The following QKI variants were observed in gnomAD, a reference collection of about 807,000 sequenced individuals.
The protein encoded by QKI is QKI, KH domain containing RNA binding.
In QKI, 10 loss-of-function variants were observed where a neutral mutation model predicts 39.0. The ratio of observed to expected loss-of-function variants is 0.26; its 90% confidence interval spans 0.16 to 0.43. QKI has a LOEUF of 0.43. QKI is among the 20% of genes least tolerant of loss of function. The pLI is 1.00. For missense variants in QKI, 218 were observed against 428.0 expected, an observed-to-expected ratio of 0.51 and a Z score of 4.33; for synonymous variants, 204 against 155.4, an observed-to-expected ratio of 1.31 and a Z score of -2.33.
intron 1 of QKI, among the ~76,000 whole-genome samples, chr6:163,445,202 G>C (rs371711130): frequency 3.9e-5 from 6 of 152,050 alleles, no homozygotes; most frequent in South Asian, 2.1e-4. Flanking sequence ...TATAATCATA[G>C]TATAGTTATG....
chr6:163,521,798 G>A (rs1400350117), intron 3 of QKI, among the ~76,000 whole-genome samples: 1 of 152,174 alleles, frequency 6.6e-6, no homozygotes, highest in Admixed American at 6.5e-5. Context: ...TGGGATTACA[G>A]GTGTGAGCCA....
In QKI at chr6:163,415,017, G is replaced by C. The variant is rs1320625770; in HGVS notation, c.-177G>C. The C allele has an allele frequency of 4.1e-5, 22 of 537,218 alleles. No individual in the cohort carries two copies. The highest frequency in any genetic ancestry group is 5.2e-5 in the Non-Finnish European group (22 of 423,696). The allele number at this position is 537,218 out of a possible 1,614,324, so 33.3% of individuals were successfully genotyped here. A position where few individuals can be genotyped will look rare whatever the true frequency, so the allele number is the denominator to read the frequency against. ...CGGGCGGAAAGTGCCTGCGGGGGGC[G>C]GGCGAGCGCGCGGTGCCGGCCGCCC... On this transcript the variant is annotated 5_prime_UTR_variant, in exon 1 of 8. Coordinates refer to ENST00000361752, the MANE Select transcript of QKI (RefSeq NM_006775.3).
At chr6:163,500,900 A>C (rs1778716269) in intron 3 of QKI, among the ~76,000 whole-genome samples, 1 of 152,124 alleles carries the variant, frequency 6.6e-6, no homozygotes, top group African/African-American at 2.4e-5. Flanking sequence ...ATAACTGACA[A>C]TTTTTGATAC....
At chr6:163,565,986 T>G in intron 6 of QKI, 1 of 1,612,896 alleles carries the variant, frequency 6.2e-7, no homozygotes, top group Non-Finnish European at 8.5e-7. Context: ...TCAAGAACGG[T>G]CTTAACTGAA....
At chr6:163,527,991 GTC>G (rs1442622343) in intron 3 of QKI, among the ~76,000 whole-genome samples, 1 of 152,126 alleles carries the variant, frequency 6.6e-6, no homozygotes, top group Non-Finnish European at 1.5e-5. Context: ...TGATAGGTGA[GTC>G]TCTCATTTAG....
intron 3 of QKI, among the ~76,000 whole-genome samples, chr6:163,495,187 T>C (rs1778329659): frequency 6.6e-6 from 1 of 152,144 alleles, no homozygotes; most frequent in Non-Finnish European, 1.5e-5. Context: ...AGTGCTGGGA[T>C]TACAGGCATG....
intron 1 of QKI, among the ~76,000 whole-genome samples, chr6:163,420,160 T>C (rs546219309): frequency 2.0e-5 from 3 of 150,536 alleles, no homozygotes; most frequent in Admixed American, 6.6e-5. Flanking sequence ...TTTTCTTTTT[T>C]TTTTTTTTTT....
chr6:163,478,781 TTAA>T lies in QKI; in HGVS notation c.289_291del (p.Asn97del), dbSNP rs1417401772. ...GTGATCCTTTTTTTTTTTTCTCAGT[TTAA>T]TTTTGTTGGGAGAATCCTTGGACCT... On this transcript the variant is annotated inframe_deletion and splice_region_variant, in exon 3 of 8. Coordinates refer to ENST00000361752, the MANE Select transcript of QKI (RefSeq NM_006775.3). The T allele has an allele frequency of 2.5e-6, 4 of 1,587,804 alleles. No individual in the cohort carries two copies. Among genetic ancestry groups the T allele is most frequent in the Admixed American group, 1.8e-5 (1 of 54,890 alleles).
chr6:163,520,056 A>G (rs1780054911), intron 3 of QKI, among the ~76,000 whole-genome samples: 1 of 152,202 alleles, frequency 6.6e-6, no homozygotes. Context: ...GTTATCAAAG[A>G]CTGAAGCAAA....
At chr6:163,542,806 A>G (rs527835182) in intron 4 of QKI, among the ~76,000 whole-genome samples, 2 of 152,162 alleles carry the variant, frequency 1.3e-5, no homozygotes, top group African/African-American at 4.8e-5. Context: ...GGAGGTCAGT[A>G]CTATAAAAGT....
chr6:163,463,350 C>T (rs75469832), intron 2 of QKI, among the ~76,000 whole-genome samples: 5,902 of 152,210 alleles, frequency 0.039, 401 homozygotes, highest in African/African-American at 0.14. Flanking sequence ...AAGCACTGTG[C>T]AGTGGTGTTT....
chr6:163,428,861 G>C (rs1274380185), intron 1 of QKI: 2 of 152,176 alleles, frequency 1.3e-5, no homozygotes, highest in African/African-American at 4.8e-5. Context: ...AGAGAACCAA[G>C]GAGGAAGAGA....
intron 1 of QKI, among the ~76,000 whole-genome samples, chr6:163,446,974 A>G (rs1790201856): frequency 6.6e-6 from 1 of 152,192 alleles, no homozygotes; most frequent in Non-Finnish European, 1.5e-5. Flanking sequence ...ACTTTCTTTC[A>G]CACGCTATTA....
chr6:163,456,220 T>C (rs1790900000), intron 2 of QKI, among the ~76,000 whole-genome samples: 2 of 152,352 alleles, frequency 1.3e-5, no homozygotes, highest in South Asian at 4.1e-4. Context: ...AAAAGCCATC[T>C]ATCTAGCTAC....
Position 163,562,024 on chromosome 6 carries a change from C to T in QKI, c.589C>T (p.Leu197Phe). 6.2e-7 allele frequency: 1 copy of T among 1,613,596 alleles called. No individual in the cohort carries two copies. Among genetic ancestry groups the T allele is most frequent in the Non-Finnish European group, 8.5e-7 (1 of 1,179,806 alleles). Residue 197 changes from leucine (L) to phenylalanine (F), a missense_variant, in exon 5 of 8, where the codon CTT becomes TTT. Coordinates refer to ENST00000361752, the MANE Select transcript of QKI (RefSeq NM_006775.3). ...DSLKKMQLME[L>F]AILNGTYRDA... ...CCTGAAGAAGATGCAGCTGATGGAG[C>T]TTGCGATTCTGAATGGCACCTACAG...
intron 3 of QKI, among the ~76,000 whole-genome samples, chr6:163,481,386 G>T (rs1164506334): frequency 6.6e-6 from 1 of 152,208 alleles, no homozygotes; most frequent in Non-Finnish European, 1.5e-5. Flanking sequence ...GGTAAACTCA[G>T]TGAGAGCCTA....
At chr6:163,470,594 A>G (rs1434637996) in intron 2 of QKI, among the ~76,000 whole-genome samples, 1 of 152,202 alleles carries the variant, frequency 6.6e-6, no homozygotes, top group Non-Finnish European at 1.5e-5. Flanking sequence ...CAGTCTGAAA[A>G]ACAATACAAA....
At chr6:163,515,827 T>C (rs1349488344) in intron 3 of QKI, among the ~76,000 whole-genome samples, 1 of 152,188 alleles carries the variant, frequency 6.6e-6, no homozygotes, top group South Asian at 2.1e-4. Context: ...GTGACTGTTT[T>C]CTATTTAAGA....
chr6:163,526,290 C>T (rs1483058286), intron 3 of QKI, among the ~76,000 whole-genome samples: 1 of 152,072 alleles, frequency 6.6e-6, no homozygotes, highest in Non-Finnish European at 1.5e-5. Context: ...GTATTTTCCC[C>T]TGGTATACTA....
Sources: allele counts gnomAD v4.1 joint callset (sites outside exome capture counted in the v4.1 genomes callset), GRCh38; gene constraint gnomAD v4.1.1; transcripts MANE v1.5; gene names NCBI Gene and HGNC (gene_info 2026-07-23, HGNC 2026-07-21).